The following RXFP2 variants were observed in gnomAD, a reference collection of about 807,000 sequenced individuals.
RXFP2 encodes relaxin receptor 2.
RXFP2 carries 68 observed loss-of-function variants against 88.6 expected under a neutral mutation model. The observed-to-expected ratio is 0.77, with a 90% CI of 0.63 to 0.94. The LOEUF (loss-of-function observed/expected upper bound fraction) is 0.94. RXFP2 is among the 40% of genes least tolerant of loss of function. The pLI is 0.00. For synonymous variants in RXFP2, 329 were observed against 306.8 expected, an observed-to-expected ratio of 1.07 and a Z score of -0.76; for missense variants, 791 against 893.9, an observed-to-expected ratio of 0.88 and a Z score of 1.47.
intron 14 of RXFP2, among the ~76,000 whole-genome samples, chr13:31,790,347 G>A (rs76476489): frequency 1.3e-5 from 2 of 152,330 alleles, no homozygotes; most frequent in African/African-American, 4.8e-5. Context: ...GGACCAAGAA[G>A]TCAAGCCATG....
chr13:31,759,692 A>G (rs1401804938), intron 2 of RXFP2, among the ~76,000 whole-genome samples: 1 of 152,166 alleles, frequency 6.6e-6, no homozygotes, highest in African/African-American at 2.4e-5. Flanking sequence ...ATGCCAAGAG[A>G]GGCTGACATG....
At chr13:31,758,648 T>C (rs1180212948) in intron 2 of RXFP2, among the ~76,000 whole-genome samples, 1 of 152,194 alleles carries the variant, frequency 6.6e-6, no homozygotes, top group East Asian at 1.9e-4. Context: ...AAAATAAAAT[T>C]ATATTTGAAA....
intron 1 of RXFP2, among the ~76,000 whole-genome samples, chr13:31,743,770 G>T (rs1446280015): frequency 1.3e-5 from 2 of 151,560 alleles, no homozygotes; most frequent in East Asian, 1.9e-4. Flanking sequence ...CTATCTTCTT[G>T]CTGTCCTCAC....
rs890942452 is a variant in RXFP2 at position 31,753,808 on chromosome 13, C to CT, written c.95-4440dup. ...TTGAAAAGTGCTCTTCCTTCAATTC[C>CT]TTTTTTTTTTATTTCTAAATGGCTC... On this transcript the variant is annotated intron_variant, in intron 1 of 17. Transcript: ENST00000298386. Among the ~76,000 whole-genome samples, 532 of 148,728 alleles carry CT rather than the reference C, an allele frequency of 3.6e-3. 6 individuals carry two copies. Among genetic ancestry groups the CT allele is most frequent in the African/African-American group, 0.012 (468 of 40,644 alleles).
intron 16 of RXFP2, among the ~76,000 whole-genome samples, chr13:31,793,973 C>T (rs868578620): frequency 6.6e-6 from 1 of 152,094 alleles, no homozygotes; most frequent in African/African-American, 2.4e-5. Context: ...GGACCTTCCC[C>T]TTCCTCTCAT....
Position 31,758,862 on chromosome 13 carries a change from A to T in RXFP2, c.241+458A>T, listed in dbSNP as rs182806068. 3.0e-4 allele frequency among the ~76,000 whole-genome samples: 46 copies of T among 152,028 alleles called. 1 individual carries two copies. The East Asian group carries it at 4.1e-3, about 13-fold the overall frequency. On this transcript the variant is annotated intron_variant, in intron 2 of 17. Coordinates refer to ENST00000298386, the MANE Select transcript of RXFP2 (RefSeq NM_130806.5). Reference sequence around the variant, plus strand: ...AGATCAGCCTGGCCAACATGGTGAAACCCCGTCTCTACTGAAAATACAAAA... The same window carrying T: ...AGATCAGCCTGGCCAACATGGTGAATCCCCGTCTCTACTGAAAATACAAAA...
At chr13:31,742,780 A>G (rs2138378337) in intron 1 of RXFP2, among the ~76,000 whole-genome samples, 1 of 152,364 alleles carries the variant, frequency 6.6e-6, no homozygotes, top group East Asian at 1.9e-4. Context: ...GGAATATAGT[A>G]AACCAAATAA....
Position 31,765,131 on chromosome 13 carries a change from T to A in RXFP2, c.414T>A (p.Asn138Lys), listed in dbSNP as rs143488386. ...DLKSVPMISN[N>K]VTLLSLKKNK... ...AGTCTGTGCCGATGATTTCTAACAA[T>A]GTGACATTACTGTGAGTAAAACTTA... The change falls in exon 4 of 18, where the codon AAT (asparagine) becomes AAA (lysine). Residue 138 changes from asparagine (N) to lysine (K), a missense_variant. Coordinates refer to ENST00000298386, the MANE Select transcript of RXFP2 (RefSeq NM_130806.5). 2 of 1,592,116 alleles carry A rather than the reference T, an allele frequency of 1.3e-6. No homozygotes were observed. Among genetic ancestry groups the A allele is most frequent in the Non-Finnish European group, 1.7e-6 (2 of 1,160,458 alleles).
At chr13:31,762,904 C>T (rs1361603878) in intron 3 of RXFP2, among the ~76,000 whole-genome samples, 1 of 151,896 alleles carries the variant, frequency 6.6e-6, no homozygotes, top group African/African-American at 2.4e-5. Flanking sequence ...TAGTTTTGGG[C>T]CTTATGTTTG....
At chr13:31,763,027 G>A (rs1002361352) in intron 3 of RXFP2, among the ~76,000 whole-genome samples, 8 of 151,676 alleles carry the variant, frequency 5.3e-5, no homozygotes, top group African/African-American at 1.5e-4. Context: ...TTAGAGCAGC[G>A]AGTCTCAGCC....
intron 3 of RXFP2, among the ~76,000 whole-genome samples, chr13:31,763,082 T>C (rs549167588): frequency 2.3e-3 from 5 of 2,194 alleles, no homozygotes; most frequent in Non-Finnish European, 0.025. Context: ...GTCTGGAGAC[T>C]TTTTTTTTTT....
intron 13 of RXFP2, among the ~76,000 whole-genome samples, chr13:31,787,563 A>G (rs1873600284): frequency 6.6e-6 from 1 of 152,214 alleles, no homozygotes. Context: ...GCCTTCCTGA[A>G]AGTCAAAGTA....
At chr13:31,764,243 T>TCACACACACACACACACACA (rs56132108) in intron 3 of RXFP2, among the ~76,000 whole-genome samples, 6 of 131,690 alleles carry the variant, frequency 4.6e-5, no homozygotes, top group Non-Finnish European at 9.8e-5. Flanking sequence ...TCTCTCTCTT[T>TCACACACACACACACACACA]CACACACACA....
intron 17 of RXFP2, 152 bp downstream of exon 17, chr13:31,797,571 T>C (rs946504879): frequency 3.8e-5 from 26 of 683,992 alleles, no homozygotes; most frequent in Non-Finnish European, 6.6e-5. Context: ...TATTATAAAA[T>C]AGAAACTGAG....
intron 17 of RXFP2, among the ~76,000 whole-genome samples, chr13:31,800,816 T>C (rs1381404113): frequency 1.4e-5 from 2 of 147,844 alleles, no homozygotes; most frequent in Non-Finnish European, 3.0e-5. Context: ...TTTTCTTCAA[T>C]CACTAACTGT....
chr13:31,785,001 G>T (rs1351205736), intron 11 of RXFP2, among the ~76,000 whole-genome samples: 3 of 152,190 alleles, frequency 2.0e-5, no homozygotes, highest in Admixed American at 6.5e-5. Flanking sequence ...CGGAGTAAAT[G>T]ATGCCATTGC....
chr13:31,774,547 GGA>G, intron 5 of RXFP2, 71 bp from the exon 6 acceptor site: 2 of 816,858 alleles, frequency 2.4e-6, no homozygotes, highest in Non-Finnish European at 2.2e-6. Context: ...TAAAGAAAGT[GGA>G]GAATATGTTC....
intron 2 of RXFP2, among the ~76,000 whole-genome samples, chr13:31,759,928 G>A (rs918920257): frequency 5.3e-5 from 8 of 152,150 alleles, no homozygotes; most frequent in African/African-American, 1.9e-4. Flanking sequence ...CCTGGTTTAA[G>A]TGTCTCCTCC....
intron 9 of RXFP2, among the ~76,000 whole-genome samples, chr13:31,780,829 C>T (rs191675572): frequency 2.0e-5 from 3 of 152,202 alleles, no homozygotes; most frequent in African/African-American, 7.2e-5. Flanking sequence ...CAGCGTGCAT[C>T]GTAAACAATG....
Sources: gnomAD v4.1 joint callset for allele counts (sites outside exome capture counted in the v4.1 genomes callset) on GRCh38, gnomAD v4.1.1 for gene constraint, MANE v1.5 for transcripts, NCBI Gene and HGNC (gene_info 2026-07-23, HGNC 2026-07-21) for gene names.